PRKG1: variants seen among roughly 807,000 people sequenced by gnomAD.
PRKG1 encodes cGMP-dependent protein kinase 1.
In PRKG1, 35 loss-of-function variants were observed where a neutral mutation model predicts 88.1. The ratio of observed to expected loss-of-function variants is 0.40; its 90% CI spans 0.30 to 0.53. The LOEUF (loss-of-function observed/expected upper bound fraction) is 0.53, where lower values mean the gene tolerates loss of function less well. PRKG1 is among the 20% of genes least tolerant of loss of function. PRKG1 has a pLI of 0.59. For missense variants in PRKG1, 540 were observed against 839.8 expected (o/e 0.64, Z 4.41); for synonymous variants, 303 against 292.5 (o/e 1.04, Z -0.37).
chr10:51,422,364 G>A (rs190452953), intron 2 of PRKG1, among the ~76,000 whole-genome samples: 2 of 152,336 alleles, frequency 1.3e-5, no homozygotes, highest in Non-Finnish European at 2.9e-5. Context: ...TAGACGTTTA[G>A]CATGATGGGT....
intron 4 of PRKG1, among the ~76,000 whole-genome samples, chr10:51,860,477 C>T (rs1840844589): frequency 6.6e-6 from 1 of 152,136 alleles, no homozygotes; most frequent in African/African-American, 2.4e-5. Context: ...ATATTCTTGG[C>T]CAAAACAAGT....
intron 2 of PRKG1, among the ~76,000 whole-genome samples, chr10:51,350,348 G>A (rs1022728289): frequency 6.6e-6 from 1 of 152,166 alleles, no homozygotes; most frequent in Non-Finnish European, 1.5e-5. Context: ...TATTGGTAGT[G>A]GGGAGTCAGG....
chr10:52,038,996 C>G (rs1376652190), intron 5 of PRKG1, among the ~76,000 whole-genome samples: 1 of 152,140 alleles, frequency 6.6e-6, no homozygotes, highest in Non-Finnish European at 1.5e-5. Context: ...GTTCCTTGGG[C>G]TGGTCAGTCT....
chr10:51,712,092 A>G (rs1399651908), intron 3 of PRKG1, among the ~76,000 whole-genome samples: 1 of 151,658 alleles, frequency 6.6e-6, no homozygotes, highest in Non-Finnish European at 1.5e-5. Flanking sequence ...AAACTGGCAA[A>G]CATGTGTAAT....
intron 5 of PRKG1, among the ~76,000 whole-genome samples, chr10:51,966,691 C>G (rs946414182): frequency 2.6e-5 from 4 of 152,156 alleles, no homozygotes; most frequent in African/African-American, 4.8e-5. Context: ...CTATAGGGCT[C>G]TCTTCACCTA....
At chr10:51,580,753 A>C (rs548963081) in intron 3 of PRKG1, among the ~76,000 whole-genome samples, 1 of 152,240 alleles carries the variant, frequency 6.6e-6, no homozygotes, top group Admixed American at 6.5e-5. Flanking sequence ...CTTTTTCTAA[A>C]TTAGCTCACT....
intron 4 of PRKG1, among the ~76,000 whole-genome samples, chr10:51,827,936 T>A (rs2068271): frequency 0.21 from 31,872 of 152,006 alleles, 5,375 homozygotes; most frequent in African/African-American, 0.47. Context: ...GAGAAACTTT[T>A]TATTTATGAT....
At chr10:51,054,358 T>C (rs1983222) in intron 1 of PRKG1, among the ~76,000 whole-genome samples, 50,305 of 152,112 alleles carry the variant, frequency 0.33, 10,007 homozygotes, top group African/African-American at 0.55. Context: ...TGATTTAATT[T>C]GTTTAAACTT....
chr10:51,921,471 G>T (rs1842461935), intron 5 of PRKG1, among the ~76,000 whole-genome samples: 1 of 152,042 alleles, frequency 6.6e-6, no homozygotes, highest in South Asian at 2.1e-4. Context: ...GGTGTGAGGG[G>T]ACATCCTTGT....
intron 2 of PRKG1, among the ~76,000 whole-genome samples, chr10:51,362,663 T>C (rs981433444): frequency 1.3e-5 from 2 of 151,888 alleles, no homozygotes; most frequent in African/African-American, 4.8e-5. Flanking sequence ...AGTTCTGAGA[T>C]ACATGTACAG....
chr10:52,129,664 T>G (rs1837203499), intron 7 of PRKG1, among the ~76,000 whole-genome samples: 1 of 152,162 alleles, frequency 6.6e-6, no homozygotes, highest in Admixed American at 6.6e-5. Context: ...AATTCTCTAT[T>G]GTTAGGCAAC....
chr10:51,960,266 G>A (rs1843415332), intron 5 of PRKG1, among the ~76,000 whole-genome samples: 1 of 151,840 alleles, frequency 6.6e-6, no homozygotes, highest in African/African-American at 2.4e-5. Flanking sequence ...GCTCTAACAG[G>A]CACTTGAGTT....
At chr10:51,329,687 G>T (rs1399215402) in intron 2 of PRKG1, among the ~76,000 whole-genome samples, 1 of 152,204 alleles carries the variant, frequency 6.6e-6, no homozygotes, top group Non-Finnish European at 1.5e-5. Flanking sequence ...GGACAGCTTT[G>T]CTGGCTACAG....
chr10:51,789,942 C>T lies in PRKG1; in HGVS notation c.593-14643C>T, dbSNP rs529648873. ...GTTCAAGCAATTCTTCTGCCTCAGC[C>T]TCCCAAGTAGATGGGATTACAGGCA... On this transcript the variant is annotated intron_variant, in intron 3 of 17. Transcript: ENST00000373980. Among the ~76,000 whole-genome samples the T allele has an allele frequency of 2.6e-3, 389 of 152,152 alleles. 2 individuals carry two copies. The highest frequency in any genetic ancestry group is 9.0e-3 in the African/African-American group (375 of 41,530).
intron 4 of PRKG1, among the ~76,000 whole-genome samples, chr10:51,810,962 G>C (rs1356174339): frequency 6.6e-6 from 1 of 152,098 alleles, no homozygotes; most frequent in Middle Eastern, 3.2e-3. Flanking sequence ...AATCAACAAG[G>C]ATTAAATGAT....
chr10:52,167,259 C>T (rs1041852814), intron 9 of PRKG1, among the ~76,000 whole-genome samples: 1 of 152,024 alleles, frequency 6.6e-6, no homozygotes, highest in African/African-American at 2.4e-5. Context: ...AGATGCCAGG[C>T]TTTCTTAAAC....
At chr10:52,275,924 T>TTTTG (rs1206406156) in intron 12 of PRKG1, among the ~76,000 whole-genome samples, 2 of 152,036 alleles carry the variant, frequency 1.3e-5, no homozygotes, top group Non-Finnish European at 2.9e-5. Flanking sequence ...GTTTTTGGTT[T>TTTTG]TTTGTTTGTT....
At chr10:51,406,583 C>T (rs559740598) in intron 2 of PRKG1, among the ~76,000 whole-genome samples, 1 of 149,316 alleles carries the variant, frequency 6.7e-6, no homozygotes, top group Non-Finnish European at 1.5e-5. Context: ...ATTATGTTAA[C>T]TACTAGGCTT....
At chr10:51,749,869 C>G (rs1207748595) in intron 3 of PRKG1, among the ~76,000 whole-genome samples, 1 of 151,430 alleles carries the variant, frequency 6.6e-6, no homozygotes, top group Non-Finnish European at 1.5e-5. Flanking sequence ...TTGTAGCACT[C>G]TATTTGGTGG....
Sources: gnomAD v4.1 joint callset for allele counts (sites outside exome capture counted in the v4.1 genomes callset) on GRCh38, gnomAD v4.1.1 for gene constraint, MANE v1.5 for transcripts, NCBI Gene and HGNC (gene_info 2026-07-23, HGNC 2026-07-21) for gene names.